CACNA1C: variants seen among roughly 807,000 people sequenced by gnomAD.
CACNA1C encodes voltage-dependent L-type calcium channel subunit alpha-1C.
A neutral mutation model predicts 229.0 loss-of-function variants in CACNA1C; 30 were observed. That is an observed-to-expected ratio of 0.13 (90% CI 0.10 to 0.18). The LOEUF (loss-of-function observed/expected upper bound fraction) is 0.18, where lower values mean the gene tolerates loss of function less well. Ranked by LOEUF, CACNA1C falls within the 10% of genes least tolerant of loss-of-function variation. The pLI, the probability that CACNA1C is intolerant of heterozygous loss-of-function variation, is 1.00. For missense variants in CACNA1C, 1,658 were observed against 2,845.0 expected, an observed-to-expected ratio of 0.58 and a Z score of 9.49; for synonymous variants, 1,114 against 1,132.5, an observed-to-expected ratio of 0.98 and a Z score of 0.33.
At chr12:2,013,738 T>G (rs1323084740) in intron 1 of CACNA1C, among the ~76,000 whole-genome samples, 3 of 152,228 alleles carry the variant, frequency 2.0e-5, no homozygotes, top group African/African-American at 7.2e-5. Flanking sequence ...CCCATTTCTG[T>G]GGGTATGGAA....
intron 1 of CACNA1C, among the ~76,000 whole-genome samples, chr12:2,083,786 G>T (rs75161333): frequency 3.1e-4 from 47 of 152,294 alleles, no homozygotes; most frequent in South Asian, 6.2e-4. Context: ...GATGAATGAT[G>T]AGGGGGAGAA....
intron 3 of CACNA1C, among the ~76,000 whole-genome samples, chr12:2,405,666 C>T (rs1351136890): frequency 1.3e-5 from 2 of 151,950 alleles, no homozygotes; most frequent in African/African-American, 4.8e-5. Context: ...TACTTTTTTC[C>T]AGCCCAAATG....
In CACNA1C at chr12:2,585,451, G is replaced by T. The variant is rs764523329; in HGVS notation, c.2415G>T (p.Glu805Asp). Residue 805 changes from glutamate to aspartate, a missense_variant, in exon 17 of 47, where the codon GAG becomes GAT. Physicochemically the swap from Glu to Asp is conservative, Grantham distance 45. Transcript: ENST00000399655. This position sits in a 1 kb window ranked among gnomAD's most constrained non-coding sequence, Gnocchi z 4.1. The part of the protein sequence containing the change: ...AVGESKEEKI[E>D]LKSITADGES... ...GGGAATCCAAGGAGGAGAAGATTGA[G>T]CTGAAATCCATCACGGCTGACGGAG... 6.3e-6 allele frequency: 10 copies of T among 1,596,910 alleles called. No individual in the cohort carries two copies. The highest frequency in any genetic ancestry group is 1.7e-6 in the Non-Finnish European group (2 of 1,171,204).
chr12:2,631,484 T>A (rs2090377850), intron 29 of CACNA1C, among the ~76,000 whole-genome samples: 1 of 152,230 alleles, frequency 6.6e-6, no homozygotes, highest in Non-Finnish European at 1.5e-5. Context: ...TTAAGTCTTA[T>A]GCATAGCTGT....
At chr12:2,478,555 C>G (rs1462632679) in intron 5 of CACNA1C, among the ~76,000 whole-genome samples, 3 of 152,240 alleles carry the variant, frequency 2.0e-5, no homozygotes, top group Non-Finnish European at 4.4e-5. Flanking sequence ...TAAGACCACA[C>G]TTCAAATAAC....
intron 1 of CACNA1C, among the ~76,000 whole-genome samples, chr12:2,088,413 T>C (rs764654321): frequency 7.9e-5 from 12 of 152,156 alleles, no homozygotes; most frequent in Non-Finnish European, 1.3e-4. Flanking sequence ...GCACGTACTT[T>C]GCTGTCAGGC....
intron 34 of CACNA1C, among the ~76,000 whole-genome samples, chr12:2,663,453 A>G (rs1184173480): frequency 3.3e-5 from 5 of 152,238 alleles, no homozygotes; most frequent in Non-Finnish European, 5.9e-5. Context: ...CATTCCATCC[A>G]GCAGTCCCAC....
chr12:2,257,666 C>T (rs927360875), intron 3 of CACNA1C, among the ~76,000 whole-genome samples: 3 of 152,340 alleles, frequency 2.0e-5, no homozygotes, highest in African/African-American at 4.8e-5. Context: ...CCCGCTCTAG[C>T]GTGTTCCCTT....
intron 3 of CACNA1C, among the ~76,000 whole-genome samples, chr12:2,292,899 G>A (rs2093652143): frequency 6.6e-6 from 1 of 152,046 alleles, no homozygotes; most frequent in South Asian, 2.1e-4. Context: ...GGTTAAAGGG[G>A]CATGCCAGAG....
chr12:2,412,237 G>A (rs2098816173), intron 3 of CACNA1C, among the ~76,000 whole-genome samples: 1 of 152,202 alleles, frequency 6.6e-6, no homozygotes, highest in Non-Finnish European at 1.5e-5. Context: ...CACAATCCCT[G>A]CTGGCAAGGC....
In CACNA1C at chr12:2,346,807, C is replaced by T. The variant is rs1254387247; in HGVS notation, c.478-102169C>T. Among the ~76,000 whole-genome samples, 6 of 152,328 alleles carry T rather than the reference C, an allele frequency of 3.9e-5. No individual in the cohort carries two copies. The East Asian group carries it at 1.2e-3, about 29-fold the overall frequency. On this transcript the variant is annotated intron_variant, in intron 3 of 46. Transcript: ENST00000399655. This position sits in a 1 kb window ranked among gnomAD's most constrained non-coding sequence, Gnocchi z 4.4. ...TGATAAGCATATAGCAGCATATACA[C>T]AAATACATACAAAGCAGTGTGTATG...
At chr12:1,979,670 GT>G (rs2035556115) in intron 1 of CACNA1C, among the ~76,000 whole-genome samples, 1 of 152,236 alleles carries the variant, frequency 6.6e-6, no homozygotes, top group Admixed American at 6.5e-5. Context: ...CTAGTTATAT[GT>G]TTAAGTTTAT....
chr12:1,993,138 T>C lies in CACNA1C; in HGVS notation c.139+21937T>C, dbSNP rs1019537072. The C allele has an allele frequency of 4.0e-6, 5 of 1,261,406 alleles. No homozygotes were observed. In the African/African-American group the frequency reaches 7.4e-5, roughly 19 times the overall value. The allele number at this position is 1,261,406 out of a possible 1,614,324, so 78.1% of individuals were successfully genotyped here. A position where few individuals can be genotyped will look rare whatever the true frequency, so the allele number is the denominator to read the frequency against. On this transcript the variant is annotated intron_variant, in intron 1 of 46. Coordinates refer to the CACNA1C transcript ENST00000682462. ...TGCATTTCCTAAACATTAACATTTG[T>C]TAAAATGCTGACACCCCCCATAGCC...
At chr12:2,617,037 T>C (rs1416241645) in intron 29 of CACNA1C, among the ~76,000 whole-genome samples, 1 of 152,264 alleles carries the variant, frequency 6.6e-6, no homozygotes, top group Non-Finnish European at 1.5e-5. Flanking sequence ...TTGTCTGCTT[T>C]GAAGCCCCTG....
intron 30 of CACNA1C, among the ~76,000 whole-genome samples, chr12:2,642,000 G>A (rs1021689564): frequency 1.3e-5 from 2 of 152,298 alleles, no homozygotes; most frequent in African/African-American, 4.8e-5. Flanking sequence ...GTGAACTGGT[G>A]TGATGTGGGG....
At chr12:1,984,778 TAAAAAAAAAAA>T (rs764705302) in intron 1 of CACNA1C, among the ~76,000 whole-genome samples, 1 of 81,346 alleles carries the variant, frequency 1.2e-5, no homozygotes, top group Non-Finnish European at 2.3e-5. Context: ...GGTCTTCTGG[TAAAAAAAAAAA>T]AAAAAAAAAA....
Position 2,677,840 on chromosome 12 carries a change from C to T in CACNA1C, c.5064C>T (p.Ser1688=), listed in dbSNP as rs139872789. Residue 1688 remains serine, a synonymous_variant, in exon 41 of 47, where the codon TCC becomes TCT. Coordinates refer to ENST00000399655, the MANE Select transcript of CACNA1C (RefSeq NM_000719.7). This position sits in a 1 kb window ranked among gnomAD's most constrained non-coding sequence, Gnocchi z 7.4. ...ACAAGGCCATGAAGGAGGCTGTGTCCGCTGCTTCTGAAGATGACATCTTCA... is the reference window on the plus strand; with the variant it reads ...ACAAGGCCATGAAGGAGGCTGTGTCTGCTGCTTCTGAAGATGACATCTTCA... ...ELDKAMKEAV[S]AASEDDIFRR... The T allele has an allele frequency of 8.1e-4, 1,305 of 1,613,984 alleles. 11 individuals are homozygous for T. In the African/African-American group the frequency reaches 0.016, roughly 19 times the overall value.
intron 1 of CACNA1C, among the ~76,000 whole-genome samples, chr12:2,062,877 C>T (rs1036112916): frequency 2.0e-5 from 3 of 152,326 alleles, no homozygotes; most frequent in African/African-American, 7.2e-5. Context: ...GGGACCATCC[C>T]TGTAAGCTGA....
intron 3 of CACNA1C, among the ~76,000 whole-genome samples, chr12:2,359,937 G>C (rs1463769509): frequency 6.6e-6 from 1 of 152,110 alleles, no homozygotes; most frequent in Non-Finnish European, 1.5e-5. Flanking sequence ...TCCCAGACGA[G>C]AGCAGCACTG....
Sources: gnomAD v4.1 joint callset for allele counts (sites outside exome capture counted in the v4.1 genomes callset) on GRCh38, gnomAD v4.1.1 for gene constraint, Gnocchi (gnomAD v3.1) non-coding constraint, MANE v1.5 for transcripts, NCBI Gene and HGNC (gene_info 2026-07-23, HGNC 2026-07-21) for gene names.